Variants in PFKM observed in about 807,000 individuals in gnomAD.
The protein encoded by PFKM is phosphofructokinase, muscle, also known as ATP-dependent 6-phosphofructokinase, muscle type.
In PFKM, 58 loss-of-function variants were observed where a neutral mutation model predicts 95.5. The observed-to-expected ratio is 0.61, with a 90% CI of 0.49 to 0.76. The LOEUF is 0.76. PFKM is among the 30% of genes least tolerant of loss of function. The pLI is 0.00. For missense variants in PFKM, 678 were observed against 1,005.4 expected (o/e 0.67, Z 4.40); for synonymous variants, 336 against 357.2 (o/e 0.94, Z 0.67).
rs754222770 is a variant in PFKM at position 48,134,961 on chromosome 12, C to T, written c.766C>T (p.Arg256Cys). The T allele has an allele frequency of 6.8e-6, 11 of 1,613,602 alleles. No homozygotes were observed. Among genetic ancestry groups the T allele is most frequent in the Admixed American group, 3.3e-5 (2 of 59,998 alleles). The stretch of plus-strand genomic sequence containing the variant: ...CAACCAGACAAGGACCCGTGGTTCT[C>T]GTCTCAACATCATCATTGTGGCTGA... ...RLSETRTRGS[R>C]LNIIIVAEGA... The change falls in exon 9 of 23, where the codon CGT becomes TGT. Residue 256 changes from arginine (R) to cysteine (C), a missense_variant. Physicochemically the swap from Arg to Cys is radical, Grantham distance 180. Transcript: ENST00000359794.
intron 12 of PFKM, 129 bp downstream of exon 12, chr12:48,139,478 T>C: frequency 2.6e-6 from 2 of 761,220 alleles, no homozygotes; most frequent in East Asian, 2.6e-5. Context: ...CTGCAGCAAG[T>C]TCCTGCCCAA....
chr12:48,106,114 T>A (rs1162698991), exon 1 of PFKM: 1 of 702,598 alleles, frequency 1.4e-6, no homozygotes, highest in South Asian at 1.5e-5. Flanking sequence ...GGAACCGCCT[T>A]CACAGCACCG....
At chr12:48,107,936 C>A in intron 2 of PFKM, 2 of 734,930 alleles carry the variant, frequency 2.7e-6, no homozygotes, top group Non-Finnish European at 4.4e-6. Context: ...AGGTACATCG[C>A]GTCTCTAATT....
Position 48,107,480 on chromosome 12 carries a change from C to T in PFKM, c.82+25C>T, listed in dbSNP as rs371147012. On this transcript the variant is annotated intron_variant, in intron 2 of 24. Coordinates refer to the PFKM transcript ENST00000340802. The stretch of plus-strand genomic sequence containing the variant: ...GGTACCCTTGTCTCCTGATCATACT[C>T]CAGTGACAGAGAATGGGTTCTCTCA... The T allele has an allele frequency of 1.6e-4, 230 of 1,431,298 alleles. No individual in the cohort carries two copies. The Middle Eastern group carries it at 1.9e-3, about 12-fold the overall frequency. The allele number at this position is 1,431,298 out of a possible 1,614,324, so 88.7% of individuals were successfully genotyped here.
intron 1 of PFKM, among the ~76,000 whole-genome samples, chr12:48,120,148 T>C (rs1010972506): frequency 7.2e-5 from 11 of 152,202 alleles, no homozygotes; most frequent in African/African-American, 2.7e-4. Flanking sequence ...ATCTTTCTTT[T>C]TGGAAAACAG....
At chr12:48,106,524 G>A (rs987311652) in intron 1 of PFKM, 1 of 245,128 alleles carries the variant, frequency 4.1e-6, no homozygotes, top group African/African-American at 2.3e-5. Context: ...GTTTTATTGA[G>A]AATCACAGAA....
chr12:48,145,266 G>A lies in PFKM; in HGVS notation c.2149G>A (p.Ala717Thr), dbSNP rs763581364. 4 of 1,613,992 alleles carry A rather than the reference G, an allele frequency of 2.5e-6. No individual in the cohort carries two copies. In the South Asian group the frequency reaches 4.4e-5, roughly 18 times the overall value. Reference sequence around the variant, plus strand: ...CTGTGTTCTGGGGATGCGTAAGAGGGCTCTGGTCTTCCAACCAGTGGCTGA... The same window carrying A: ...CTGTGTTCTGGGGATGCGTAAGAGGACTCTGGTCTTCCAACCAGTGGCTGA... ...SGCVLGMRKRALVFQPVAELK... is the reference protein window; with the variant it reads ...SGCVLGMRKRTLVFQPVAELK... The change falls in exon 22 of 23, where the codon GCT (alanine) becomes ACT (threonine). Residue 717 changes from alanine (A) to threonine (T), a missense_variant. Coordinates refer to ENST00000359794, the MANE Select transcript of PFKM (RefSeq NM_000289.6). This position sits in a 1 kb window ranked among gnomAD's most constrained non-coding sequence, Gnocchi z 4.3.
intron 3 of PFKM, 124 bp from the exon 4 acceptor site, chr12:48,131,192 C>T: frequency 1.3e-6 from 1 of 750,160 alleles, no homozygotes; most frequent in East Asian, 2.6e-5. Context: ...TCACGAGCAT[C>T]CAGGACTCAC....
At position 48,144,819 on chromosome 12, in the gene PFKM, GTTA is replaced by G. The variant is rs200916580; in HGVS notation, c.1993-207_1993-205del. Among the ~76,000 whole-genome samples, 223 of 152,312 alleles carry G rather than the reference GTTA, an allele frequency of 1.5e-3. 1 individual carries two copies. In the East Asian group the frequency reaches 0.015, roughly 10 times the overall value. On this transcript the variant is annotated intron_variant, in intron 20 of 22. Coordinates refer to ENST00000359794, the MANE Select transcript of PFKM (RefSeq NM_000289.6). ...TGGGGCCAATCATCTTTAATTAGTTGTTATTATATCTGATACATGGCCAAATTT... is the reference window on the plus strand; with the variant it reads ...TGGGGCCAATCATCTTTAATTAGTTGTTATATCTGATACATGGCCAAATTT...
At chr12:48,126,386 C>T (rs1948837467) in intron 2 of PFKM, among the ~76,000 whole-genome samples, 1 of 152,066 alleles carries the variant, frequency 6.6e-6, no homozygotes, top group African/African-American at 2.4e-5. Context: ...TGAAGAGCAT[C>T]CTAAAGTTTG....
chr12:48,139,244 C>CTGACCCTGGAGTTGA, intron 11 of PFKM, 41 bp from the exon 12 acceptor site: 1 of 1,521,662 alleles, frequency 6.6e-7, no homozygotes, highest in South Asian at 1.1e-5. Flanking sequence ...GTGCAGAATC[C>CTGACCCTGGAGTTGA]TGACCCTGGA....
chr12:48,124,478 A>G (rs996845206), intron 2 of PFKM, among the ~76,000 whole-genome samples: 7 of 152,212 alleles, frequency 4.6e-5, no homozygotes, highest in African/African-American at 1.7e-4. Context: ...GCACAGAGTT[A>G]TAAAATGAAG....
chr12:48,137,566 T>C (rs1950212543), intron 10 of PFKM, 155 bp from the exon 11 acceptor site: 1 of 779,060 alleles, frequency 1.3e-6, no homozygotes, highest in African/African-American at 1.7e-5. Flanking sequence ...GAAATCTGTT[T>C]GGGGAGGTAA....
chr12:48,131,437 G>C (rs769598922), intron 4 of PFKM, 44 bp downstream of exon 4: 1 of 1,365,390 alleles, frequency 7.3e-7, no homozygotes, highest in South Asian at 1.2e-5. Context: ...CTCTGTCCTT[G>C]TTTCATCCCA....
chr12:48,116,252 T>A (rs1457281237), upstream of PFKM, among the ~76,000 whole-genome samples: 1 of 148,438 alleles, frequency 6.7e-6, no homozygotes, highest in East Asian at 2.0e-4. Flanking sequence ...CTCCCTCCTT[T>A]CTCTCTCTCC....
intron 1 of PFKM, 65 bp downstream of exon 1, chr12:48,119,471 C>T (rs1947970864): frequency 2.2e-6 from 2 of 895,196 alleles, no homozygotes; most frequent in East Asian, 1.2e-4. Flanking sequence ...AGGTATGGGC[C>T]GGGAGCAGGC....
In PFKM at chr12:48,141,901, C is replaced by G; in HGVS notation, c.1501-13C>G. ...CTCTCCCCAATCCTGCCCTTGTGCT[C>G]TCTTCTTCTTAGGCTTACACAGGGG... is the stretch of plus-strand genomic sequence containing the variant. On this transcript the variant is annotated splice_polypyrimidine_tract_variant and intron_variant, in intron 16 of 22. Coordinates refer to ENST00000359794, the MANE Select transcript of PFKM (RefSeq NM_000289.6). 6.2e-7 allele frequency: 1 copy of G among 1,614,060 alleles called. No homozygotes were observed. The highest frequency in any genetic ancestry group is 8.5e-7 in the Non-Finnish European group (1 of 1,179,976).
intron 2 of PFKM, among the ~76,000 whole-genome samples, chr12:48,125,131 G>A (rs1948692583): frequency 6.6e-6 from 1 of 152,132 alleles, no homozygotes; most frequent in South Asian, 2.1e-4. Context: ...CTGGGCTGAT[G>A]CCGTACCAAA....
At chr12:48,116,836 A>G (rs1327057859), upstream of PFKM, among the ~76,000 whole-genome samples, 2 of 152,188 alleles carry the variant, frequency 1.3e-5, no homozygotes, top group African/African-American at 4.8e-5. Flanking sequence ...ATAATTGATA[A>G]CCCAATATTT....
Sources: gnomAD v4.1 joint callset for allele counts (sites outside exome capture counted in the v4.1 genomes callset) on GRCh38, gnomAD v4.1.1 for gene constraint, Gnocchi (gnomAD v3.1) non-coding constraint, MANE v1.5 for transcripts, NCBI Gene and HGNC (gene_info 2026-07-23, HGNC 2026-07-21) for gene names.